NCEH1: variants seen among roughly 807,000 people sequenced by gnomAD.
NCEH1 encodes the protein 2-acetyl MAGE hydrolase.
In NCEH1, 9 loss-of-function variants were observed where a neutral mutation model predicts 25.4. The observed-to-expected ratio is 0.35, with a 90% CI of 0.21 to 0.62. The LOEUF (loss-of-function observed/expected upper bound fraction) is 0.62, where lower values mean the gene tolerates loss of function less well. NCEH1 is among the 20% of genes least tolerant of loss of function. The pLI is 0.72. For missense variants in NCEH1, 412 were observed against 501.1 expected (o/e 0.82, Z 1.70); for synonymous variants, 200 against 199.8 (o/e 1.00, Z -0.01).
intron 1 of NCEH1, among the ~76,000 whole-genome samples, chr3:172,698,121 C>G (rs949577716): frequency 7.9e-5 from 12 of 151,986 alleles, no homozygotes; most frequent in Non-Finnish European, 1.6e-4. Flanking sequence ...GGATTACAGG[C>G]ACCCGCCACC....
rs575892093 is a variant in NCEH1 at position 172,644,045 on chromosome 3, C to T, written c.437+1578G>A. Among the ~76,000 whole-genome samples, 7 of 152,312 alleles carry T rather than the reference C, an allele frequency of 4.6e-5. No individual in the cohort carries two copies. The South Asian group carries it at 1.2e-3, about 27-fold the overall frequency. On this transcript the variant is annotated intron_variant, in intron 3 of 4. Coordinates refer to ENST00000475381, the MANE Select transcript of NCEH1 (RefSeq NM_020792.6). The stretch of plus-strand genomic sequence containing the variant: ...AAGGTCCAGGTGCGGTGGCTGCTTC[C>T]TCAGCAGATTTGGCTCCAGCTGTCT...
intron 1 of NCEH1, among the ~76,000 whole-genome samples, chr3:172,692,224 T>G (rs1330376478): frequency 6.6e-6 from 1 of 152,198 alleles, no homozygotes; most frequent in African/African-American, 2.4e-5. Flanking sequence ...TAAAGAAGTT[T>G]CTATTAAAGA....
intron 1 of NCEH1, among the ~76,000 whole-genome samples, chr3:172,689,076 C>T (rs914431737): frequency 3.3e-5 from 5 of 152,124 alleles, no homozygotes; most frequent in African/African-American, 1.2e-4. Context: ...CTTGACTACC[C>T]TTAGCGGGGA....
chr3:172,699,150 G>C (rs140749986), intron 1 of NCEH1, among the ~76,000 whole-genome samples: 1 of 152,132 alleles, frequency 6.6e-6, no homozygotes, highest in East Asian at 1.9e-4. Context: ...GGAAAGAGAC[G>C]GGGAAGTTCT....
chr3:172,640,539 G>A (rs1244884410), intron 3 of NCEH1, among the ~76,000 whole-genome samples: 1 of 151,912 alleles, frequency 6.6e-6, no homozygotes. Flanking sequence ...ACGGAGTCTC[G>A]CTCTGTCGCC....
Position 172,683,016 on chromosome 3 carries a change from G to C in NCEH1, c.138+27831C>G, listed in dbSNP as rs549597135. 2.0e-4 allele frequency among the ~76,000 whole-genome samples: 30 copies of C among 152,310 alleles called. No homozygotes were observed. The East Asian group carries it at 5.4e-3, about 27-fold the overall frequency. ...AAAGGATTTAAGTTTGCTCGCATTA[G>C]CTATGCTTTCATTATTTTGCTATGT... On this transcript the variant is annotated intron_variant, in intron 1 of 4. Coordinates refer to ENST00000475381, the MANE Select transcript of NCEH1 (RefSeq NM_020792.6).
intron 1 of NCEH1, among the ~76,000 whole-genome samples, chr3:172,677,377 T>G (rs1470847980): frequency 6.6e-6 from 1 of 152,220 alleles, no homozygotes; most frequent in Non-Finnish European, 1.5e-5. Context: ...CAGATGATAA[T>G]AAATTAAGTA....
In NCEH1 at chr3:172,671,546, CAA is replaced by C. The variant is rs1711624828; in HGVS notation, c.139-23434_139-23433del. ...ACACACACATATATAGATATATATA[CAA>C]ATATATATATATGCTACCTATATAT... On this transcript the variant is annotated intron_variant, in intron 1 of 4. Transcript: ENST00000475381. Among the ~76,000 whole-genome samples, 2 of 130,992 alleles carry C rather than the reference CAA, an allele frequency of 1.5e-5. 1 individual carries two copies. Among genetic ancestry groups the C allele is most frequent in the South Asian group, 4.9e-4 (2 of 4,086 alleles). The allele number at this position is 130,992 out of a possible 152,430, so 85.9% of individuals were successfully genotyped here.
intron 3 of NCEH1, among the ~76,000 whole-genome samples, chr3:172,641,498 A>G (rs1716850136): frequency 6.6e-6 from 1 of 152,114 alleles, no homozygotes; most frequent in Non-Finnish European, 1.5e-5. Flanking sequence ...GCTTCCTCAG[A>G]TAAAAACCTT....
chr3:172,661,926 G>A (rs1336096728), intron 1 of NCEH1, among the ~76,000 whole-genome samples: 1 of 152,172 alleles, frequency 6.6e-6, no homozygotes, highest in African/African-American at 2.4e-5. Flanking sequence ...GGGACAATTT[G>A]ACTTCCTCTT....
chr3:172,704,835 C>T (rs1713888621), intron 1 of NCEH1, among the ~76,000 whole-genome samples: 1 of 152,118 alleles, frequency 6.6e-6, no homozygotes, highest in Admixed American at 6.5e-5. Flanking sequence ...TTTGTAACTA[C>T]ACCTGTTCTA....
intron 1 of NCEH1, among the ~76,000 whole-genome samples, chr3:172,674,909 G>A (rs903802320): frequency 6.6e-6 from 1 of 152,132 alleles, no homozygotes; most frequent in Non-Finnish European, 1.5e-5. Context: ...AGCAAACATA[G>A]AAGTTTTACT....
At chr3:172,657,526 C>T (rs1242324439) in intron 1 of NCEH1, among the ~76,000 whole-genome samples, 1 of 152,190 alleles carries the variant, frequency 6.6e-6, no homozygotes, top group Non-Finnish European at 1.5e-5. Context: ...CCAGCTCCAC[C>T]CCCGCTCTCG....
chr3:172,633,934 G>C lies in NCEH1; in HGVS notation c.768C>G (p.Phe256Leu). ...YVMVKYWVDY[F>L]KGNYDFVQAM... Reference sequence around the variant, plus strand: ...CCTGCACAAAGTCATAGTTGCCTTTGAAGTAGTCCACCCAATACTTCACCA... The same window carrying C: ...CCTGCACAAAGTCATAGTTGCCTTTCAAGTAGTCCACCCAATACTTCACCA... The change falls in exon 5 of 5, where the codon TTC (phenylalanine) becomes TTG (leucine). Residue 256 changes from phenylalanine (F) to leucine (L), a missense_variant. Phe to Leu is a conservative substitution (Grantham distance 22). Around this residue, in one of 3 missense-constraint regions of NCEH1, gnomAD observed 210 missense variants for 258.2 expected, o/e 0.81. Coordinates refer to ENST00000475381, the MANE Select transcript of NCEH1 (RefSeq NM_020792.6). 1.2e-6 allele frequency: 2 copies of C among 1,614,208 alleles called. No homozygotes were observed. The highest frequency in any genetic ancestry group is 1.7e-6 in the Non-Finnish European group (2 of 1,180,038).
At chr3:172,704,878 A>G (rs553988662) in intron 1 of NCEH1, among the ~76,000 whole-genome samples, 5 of 152,306 alleles carry the variant, frequency 3.3e-5, no homozygotes, top group Admixed American at 3.3e-4. Flanking sequence ...TAATAGCTAT[A>G]TATTAACATG....
Position 172,631,188 on chromosome 3 carries a change from A to G in NCEH1, c.*2287T>C, listed in dbSNP as rs1255579098. 3 of 152,164 alleles carry G rather than the reference A, an allele frequency of 2.0e-5. No individual in the cohort carries two copies. Among genetic ancestry groups the G allele is most frequent in the African/African-American group, 7.2e-5 (3 of 41,454 alleles). 9.4% of individuals were successfully genotyped at this position (152,164 alleles called of 1,614,324 possible). On this transcript the variant is annotated 3_prime_UTR_variant, in exon 5 of 5. Transcript: ENST00000475381. The stretch of plus-strand genomic sequence containing the variant: ...GATCCGGAATCATTTGCTGTCTGCA[A>G]TTACTATAGGCTTTGGCTCACAATT...
intron 3 of NCEH1, among the ~76,000 whole-genome samples, chr3:172,641,272 C>T (rs908514677): frequency 2.0e-4 from 31 of 152,020 alleles, no homozygotes; most frequent in Non-Finnish European, 4.3e-4. Context: ...ACTTATTGTG[C>T]AATTAATATG....
chr3:172,670,745 T>C (rs1248933069), intron 1 of NCEH1, among the ~76,000 whole-genome samples: 1 of 152,238 alleles, frequency 6.6e-6, no homozygotes, highest in Non-Finnish European at 1.5e-5. Context: ...CCGTTTTATA[T>C]GGGGTTTTAT....
At chr3:172,660,381 G>C (rs952849592) in intron 1 of NCEH1, among the ~76,000 whole-genome samples, 9 of 152,154 alleles carry the variant, frequency 5.9e-5, no homozygotes, top group Non-Finnish European at 1.2e-4. Context: ...ATCATTGATG[G>C]ACATTTGGGT....
Sources: gnomAD v4.1 joint callset for allele counts (sites outside exome capture counted in the v4.1 genomes callset) on GRCh38, gnomAD v4.1.1 for gene constraint, gnomAD v4.1.1 regional missense constraint, MANE v1.5 for transcripts, NCBI Gene and HGNC (gene_info 2026-07-23, HGNC 2026-07-21) for gene names.